Variants in POC5 observed in about 807,000 individuals in gnomAD.
POC5 encodes the protein centrosomal protein POC5.
POC5 carries 48 observed loss-of-function variants against 62.9 expected under a neutral mutation model. The ratio of observed to expected loss-of-function variants is 0.76; its 90% CI spans 0.61 to 0.97. The LOEUF (loss-of-function observed/expected upper bound fraction) is 0.97, where lower values mean the gene tolerates loss of function less well. Ranked by LOEUF, POC5 falls within the 50% of genes least tolerant of loss-of-function variation. The pLI, the probability that POC5 is intolerant of heterozygous loss-of-function variation, is 0.00. For missense variants in POC5, 696 were observed against 679.5 expected, an observed-to-expected ratio of 1.02 and a Z score of -0.27; for synonymous variants, 236 against 228.2, an observed-to-expected ratio of 1.03 and a Z score of -0.31.
chr5:75,685,169 C>A (rs1356555952), intron 10 of POC5, 38 bp downstream of exon 10: 1 of 1,553,870 alleles, frequency 6.4e-7, no homozygotes, highest in Non-Finnish European at 8.7e-7. Context: ...GCCTGGCCGC[C>A]CTTTTCATAA....
At chr5:75,682,577 A>G (rs533239459) in intron 10 of POC5, among the ~76,000 whole-genome samples, 73 of 143,510 alleles carry the variant, frequency 5.1e-4, no homozygotes, top group Admixed American at 8.0e-4. Flanking sequence ...GTGCAATGGC[A>G]TGATCTTGGC....
chr5:75,708,284 C>G (rs1270651398), intron 2 of POC5, among the ~76,000 whole-genome samples: 4 of 152,092 alleles, frequency 2.6e-5, no homozygotes, highest in Admixed American at 2.6e-4. Context: ...GAACTGGAAG[C>G]TGCAGTAAGA....
At chr5:75,696,772 A>G (rs1404147562) in intron 5 of POC5, among the ~76,000 whole-genome samples, 1 of 152,184 alleles carries the variant, frequency 6.6e-6, no homozygotes, top group African/African-American at 2.4e-5. Context: ...ACGGGAGGAC[A>G]TTCAAACCAA....
chr5:75,702,853 TAACTC>T, intron 4 of POC5, 43 bp from the exon 5 acceptor site: 1 of 1,443,680 alleles, frequency 6.9e-7, no homozygotes, highest in Non-Finnish European at 9.5e-7. Flanking sequence ...AAATTGAAAA[TAACTC>T]AAGTTGGTAA....
chr5:75,700,482 T>G (rs1159240198), intron 5 of POC5, among the ~76,000 whole-genome samples: 12 of 151,764 alleles, frequency 7.9e-5, no homozygotes, highest in African/African-American at 2.9e-4. Context: ...GATTCCCTAT[T>G]TAATAAATGG....
Position 75,685,479 on chromosome 5 carries a change from C to G in POC5, c.1135G>C (p.Asp379His), listed in dbSNP as rs769743688. 4 of 1,606,644 alleles carry G rather than the reference C, an allele frequency of 2.5e-6. No homozygotes were observed. The South Asian group carries it at 4.4e-5, about 18-fold the overall frequency. ...IFQNRNDAGI[D>H]STNNKKEEYG... Reference sequence around the variant, plus strand: ...TCTTCCTTTTTATTATTTGTGGAGTCTATCCCTATAAATCACAAATTAATT... The same window carrying G: ...TCTTCCTTTTTATTATTTGTGGAGTGTATCCCTATAAATCACAAATTAATT... The change falls in exon 10 of 12, where the codon GAC (aspartate) becomes CAC (histidine). Residue 379 changes from aspartate to histidine, a missense_variant. Coordinates refer to ENST00000428202, the MANE Select transcript of POC5 (RefSeq NM_001099271.2).
At chr5:75,682,728 C>A (rs576118457) in intron 10 of POC5, among the ~76,000 whole-genome samples, 3 of 151,924 alleles carry the variant, frequency 2.0e-5, no homozygotes, top group Admixed American at 2.0e-4. Flanking sequence ...CATTGGCCAG[C>A]GTGGTCTCAA....
chr5:75,678,830 G>A (rs570274145), intron 10 of POC5, among the ~76,000 whole-genome samples: 38 of 152,204 alleles, frequency 2.5e-4, no homozygotes, highest in African/African-American at 7.0e-4. Context: ...GCTGCTTATC[G>A]CTGGATAATA....
intron 9 of POC5, among the ~76,000 whole-genome samples, chr5:75,688,165 G>C (rs1399903746): frequency 1.3e-5 from 2 of 152,156 alleles, no homozygotes; most frequent in Non-Finnish European, 1.5e-5. Flanking sequence ...TTATTCATTG[G>C]ATTGAAATCA....
chr5:75,696,763 C>T (rs187152477), intron 5 of POC5, among the ~76,000 whole-genome samples: 82 of 152,030 alleles, frequency 5.4e-4, no homozygotes, highest in African/African-American at 1.4e-3. Flanking sequence ...CTCCGAGCTA[C>T]GGGAGGACAT....
intron 10 of POC5, among the ~76,000 whole-genome samples, chr5:75,682,509 ATTTC>A (rs1397298211): frequency 1.7e-4 from 20 of 115,296 alleles, no homozygotes; most frequent in Non-Finnish European, 2.8e-4. Flanking sequence ...TTAGTGTTTT[ATTTC>A]TTTCTTTTTT....
chr5:75,717,231 G>A (rs1742634898), intron 1 of POC5, 75 bp downstream of exon 1: 1 of 152,262 alleles, frequency 6.6e-6, no homozygotes, highest in African/African-American at 2.4e-5. Flanking sequence ...ACGCGCCAAG[G>A]AACTTTAAAT....
chr5:75,705,839 T>C, intron 3 of POC5, 52 bp from the exon 4 acceptor site: 3 of 1,127,858 alleles, frequency 2.7e-6, no homozygotes, highest in South Asian at 3.1e-5. Context: ...TTAAATAAAA[T>C]GTCTAATCAC....
chr5:75,702,903 C>G, intron 4 of POC5, 93 bp from the exon 5 acceptor site: 1 of 939,656 alleles, frequency 1.1e-6, no homozygotes, highest in Non-Finnish European at 1.6e-6. Context: ...ACGTCTGCTA[C>G]TTATGGAGGC....
chr5:75,698,837 G>A (rs1471981442), intron 5 of POC5, among the ~76,000 whole-genome samples: 4 of 151,988 alleles, frequency 2.6e-5, no homozygotes, highest in African/African-American at 9.7e-5. Flanking sequence ...TAATAAAGAA[G>A]AAAAGCGAGA....
intron 11 of POC5, among the ~76,000 whole-genome samples, chr5:75,675,904 A>G (rs1775632037): frequency 6.6e-6 from 1 of 152,246 alleles, no homozygotes. Context: ...TTTTTTAGTA[A>G]TAACTATTTC....
intron 9 of POC5, among the ~76,000 whole-genome samples, chr5:75,687,155 T>C (rs11746063): frequency 0.24 from 37,112 of 151,842 alleles, 4,745 homozygotes; most frequent in South Asian, 0.32. Context: ...CTCAGCCTCC[T>C]GAGTAGCTGG....
At chr5:75,686,037 G>A (rs1186191044) in intron 9 of POC5, among the ~76,000 whole-genome samples, 2 of 152,214 alleles carry the variant, frequency 1.3e-5, no homozygotes, top group East Asian at 1.9e-4. Context: ...TTTTTACACT[G>A]TAAAAGAAAT....
At chr5:75,711,581 T>A (rs6865580) in intron 2 of POC5, among the ~76,000 whole-genome samples, 9,328 of 152,310 alleles carry the variant, frequency 0.061, 475 homozygotes, top group East Asian at 0.29. Context: ...ATGTTATTTT[T>A]AAGATTTTTT....
Sources: gnomAD v4.1 joint callset for allele counts (sites outside exome capture counted in the v4.1 genomes callset) on GRCh38, gnomAD v4.1.1 for gene constraint, MANE v1.5 for transcripts, NCBI Gene and HGNC (gene_info 2026-07-23, HGNC 2026-07-21) for gene names.